The following MTAP variants were observed in gnomAD, a reference collection of about 807,000 sequenced individuals.
The protein encoded by MTAP is methylthioadenosine phosphorylase, also known as S-methyl-5'-thioadenosine phosphorylase.
A neutral mutation model predicts 33.6 loss-of-function variants in MTAP; 33 were observed. That is an observed-to-expected ratio of 0.98 (90% CI 0.74 to 1.31). The LOEUF (loss-of-function observed/expected upper bound fraction) is 1.31, where lower values mean the gene tolerates loss of function less well. Ranked by LOEUF, MTAP falls within the 40% of genes most tolerant of loss-of-function variation. MTAP has a pLI of 0.00. For synonymous variants in MTAP, 148 were observed against 125.7 expected, an observed-to-expected ratio of 1.18 and a Z score of -1.19; for missense variants, 367 against 360.0, an observed-to-expected ratio of 1.02 and a Z score of -0.16.
intron 1 of MTAP, among the ~76,000 whole-genome samples, chr9:21,924,877 C>A (rs1172586407): frequency 2.0e-5 from 3 of 152,188 alleles, no homozygotes; most frequent in African/African-American, 7.2e-5. Context: ...TATGGAGGAT[C>A]CTGACAAATG....
At position 21,854,654 on chromosome 9, in the gene MTAP, G is replaced by T; in HGVS notation, c.474G>T (p.Lys158Asn). The T allele has an allele frequency of 6.3e-7, 1 of 1,599,744 alleles. No homozygotes were observed. The highest frequency in any genetic ancestry group is 8.5e-7 in the Non-Finnish European group (1 of 1,172,844). Reference protein sequence around the residue: ...TREVLIETAKKLGLRCHSKGT... With the variant: ...TREVLIETAKNLGLRCHSKGT... ...AGGTTCTTATAGAGACTGCTAAGAA[G>T]CTAGGACTCCGGTGCCACTCAAAGG... Residue 158 changes from lysine (K) to asparagine (N), a missense_variant, in exon 6 of 8, where the codon AAG becomes AAT. Coordinates refer to ENST00000644715, the MANE Select transcript of MTAP (RefSeq NM_002451.4).
downstream of MTAP, among the ~76,000 whole-genome samples, chr9:21,870,872 C>G (rs1434680760): frequency 2.7e-5 from 4 of 149,466 alleles, no homozygotes; most frequent in Non-Finnish European, 3.0e-5. Context: ...CTCCCAGGTT[C>G]AAGCAATTCT....
chr9:21,901,743 A>G (rs373733174), intron 1 of MTAP, among the ~76,000 whole-genome samples: 163 of 152,306 alleles, frequency 1.1e-3, no homozygotes, highest in African/African-American at 3.8e-3. Flanking sequence ...TGAGGAACCC[A>G]CATGGGCCTG....
Position 21,822,238 on chromosome 9 carries a change from ATC to A in MTAP, c.347+4042_347+4043del, listed in dbSNP as rs1824661268. On this transcript the variant is annotated intron_variant, in intron 4 of 7. Coordinates refer to ENST00000644715, the MANE Select transcript of MTAP (RefSeq NM_002451.4). ...TGTGATGTTAGGGTGTCAATTTTAG[ATC>A]TCTCTTGCTTTCTCTTGTGGGCATT... Among the ~76,000 whole-genome samples, 16 of 151,932 alleles carry A rather than the reference ATC, an allele frequency of 1.1e-4. 1 individual carries two copies. In the South Asian group the frequency reaches 3.3e-3, roughly 32 times the overall value.
At chr9:21,905,699 G>A (rs1172061875) in intron 1 of MTAP, among the ~76,000 whole-genome samples, 3 of 152,084 alleles carry the variant, frequency 2.0e-5, no homozygotes, top group Non-Finnish European at 4.4e-5. Context: ...GAGAAAGAAG[G>A]AGCTTCTGTT....
At chr9:21,844,587 A>G (rs1172037068) in intron 5 of MTAP, among the ~76,000 whole-genome samples, 2 of 152,250 alleles carry the variant, frequency 1.3e-5, no homozygotes, top group Admixed American at 6.5e-5. Context: ...AGGCAAGTCA[A>G]TAAATGTGAT....
chr9:21,904,906 C>G (rs1208218452), intron 1 of MTAP, among the ~76,000 whole-genome samples: 1 of 152,152 alleles, frequency 6.6e-6, no homozygotes, highest in East Asian at 1.9e-4. Context: ...GAAGTGTTCT[C>G]TTATCCTTCT....
Position 21,863,529 on chromosome 9 carries a change from C to T in MTAP, c.*1515C>T. 1.6e-6 allele frequency: 1 copy of T among 631,776 alleles called. No individual in the cohort carries two copies. The highest frequency in any genetic ancestry group is 2.0e-6 in the Non-Finnish European group (1 of 507,044). The allele number at this position is 631,776 out of a possible 1,614,324, so 39.1% of individuals were successfully genotyped here. A position where few individuals can be genotyped will look rare whatever the true frequency, so the allele number is the denominator to read the frequency against. ...GGCTGAGGCAGGAGAATGGTGTGAACCTGGGAGGTGGAGCTTGCAGTGAGC... is the reference window on the plus strand; with the variant it reads ...GGCTGAGGCAGGAGAATGGTGTGAATCTGGGAGGTGGAGCTTGCAGTGAGC... On this transcript the variant is annotated 3_prime_UTR_variant, in exon 8 of 8. Coordinates refer to ENST00000644715, the MANE Select transcript of MTAP (RefSeq NM_002451.4).
intron 5 of MTAP, among the ~76,000 whole-genome samples, chr9:21,845,775 A>G (rs952293383): frequency 3.9e-5 from 6 of 152,162 alleles, no homozygotes; most frequent in Admixed American, 6.5e-5. Context: ...CCTAAAATTT[A>G]TGTGAGACCA....
chr9:21,868,858 G>A (rs1286779863), downstream of MTAP, among the ~76,000 whole-genome samples: 2 of 152,154 alleles, frequency 1.3e-5, no homozygotes, highest in Non-Finnish European at 2.9e-5. Context: ...ATTAAAACAG[G>A]TTGCATGGCA....
At chr9:21,926,408 G>C (rs1274024404) in intron 1 of MTAP, among the ~76,000 whole-genome samples, 1 of 152,192 alleles carries the variant, frequency 6.6e-6, no homozygotes, top group Non-Finnish European at 1.5e-5. Flanking sequence ...TGAGGCAGTA[G>C]TCCCAATACA....
At chr9:21,898,819 A>G (rs375404711) in intron 1 of MTAP, among the ~76,000 whole-genome samples, 7 of 152,198 alleles carry the variant, frequency 4.6e-5, no homozygotes, top group South Asian at 2.1e-4. Flanking sequence ...GTGGAAGACA[A>G]TGTGGCGATT....
chr9:21,844,888 C>T (rs935657639), intron 5 of MTAP, among the ~76,000 whole-genome samples: 12 of 152,034 alleles, frequency 7.9e-5, no homozygotes, highest in Admixed American at 4.6e-4. Context: ...AAAAATTAGC[C>T]GGGCATGGTA....
intron 1 of MTAP, among the ~76,000 whole-genome samples, chr9:21,881,464 T>A (rs1472639874): frequency 6.6e-6 from 1 of 151,988 alleles, no homozygotes; most frequent in Non-Finnish European, 1.5e-5. Flanking sequence ...ATCAACATTG[T>A]AAAAGAGCAG....
chr9:21,885,778 TGG>T (rs1491521517), intron 1 of MTAP, among the ~76,000 whole-genome samples: 1 of 102,252 alleles, frequency 9.8e-6, no homozygotes, highest in Non-Finnish European at 1.9e-5. Context: ...TAGTATTACA[TGG>T]TGTGTGTGTG....
chr9:21,848,221 C>A (rs950601263), intron 5 of MTAP, among the ~76,000 whole-genome samples: 1 of 152,160 alleles, frequency 6.6e-6, no homozygotes, highest in Non-Finnish European at 1.5e-5. Context: ...TGCTTCTAGA[C>A]CTATAACTGG....
At chr9:21,924,910 G>A (rs976786500) in intron 1 of MTAP, among the ~76,000 whole-genome samples, 1 of 152,208 alleles carries the variant, frequency 6.6e-6, no homozygotes, top group Non-Finnish European at 1.5e-5. Flanking sequence ...CCATAAACTG[G>A]GCTTAACATT....
chr9:21,815,223 G>T (rs907638803), intron 1 of MTAP, among the ~76,000 whole-genome samples: 1 of 152,172 alleles, frequency 6.6e-6, no homozygotes, highest in Non-Finnish European at 1.5e-5. Flanking sequence ...GTTACTTATA[G>T]AATATAGAAG....
Position 21,880,907 on chromosome 9 carries a change from T to C in MTAP, c.147+26037T>C, listed in dbSNP as rs1212955498. Among the ~76,000 whole-genome samples the C allele has an allele frequency of 2.0e-5, 3 of 151,950 alleles. No homozygotes were observed. In the East Asian group the frequency reaches 5.8e-4, roughly 29 times the overall value. On this transcript the variant is annotated intron_variant, in intron 1 of 1. Coordinates refer to the MTAP transcript ENST00000577563. ...ATTTTTTTTGCAGAAACATAAAAAT[T>C]CACTCTAAAATTTCCATGAAATCTC...
Sources: allele counts gnomAD v4.1 joint callset (sites outside exome capture counted in the v4.1 genomes callset), GRCh38; gene constraint gnomAD v4.1.1; transcripts MANE v1.5; gene names NCBI Gene and HGNC (gene_info 2026-07-23, HGNC 2026-07-21).